NUP35: variants seen among roughly 807,000 people sequenced by gnomAD.
NUP35 encodes the protein nucleoporin NUP35.
In NUP35, 25 loss-of-function variants were observed where a neutral mutation model predicts 41.5. The ratio of observed to expected loss-of-function variants is 0.60; its 90% CI spans 0.44 to 0.84. The LOEUF (loss-of-function observed/expected upper bound fraction) is 0.84. Ranked by LOEUF, NUP35 falls within the 40% of genes least tolerant of loss-of-function variation. NUP35 has a pLI of 0.00. For missense variants in NUP35, 396 were observed against 396.6 expected (o/e 1.00, Z 0.01); for synonymous variants, 149 against 130.7 (o/e 1.14, Z -0.96).
chr2:183,159,824 C>T, intron 8 of NUP35, 172 bp downstream of exon 8: 1 of 492,974 alleles, frequency 2.0e-6, no homozygotes, highest in Admixed American at 4.1e-5. Context: ...ACATCTTGGC[C>T]AATTGGAAAG....
Position 183,161,175 on chromosome 2 carries a change from A to G in NUP35, c.*44A>G. 2 of 1,436,392 alleles carry G rather than the reference A, an allele frequency of 1.4e-6. No individual in the cohort carries two copies. Among genetic ancestry groups the G allele is most frequent in the Non-Finnish European group, 2.0e-6 (2 of 1,022,444 alleles). 89.0% of individuals were successfully genotyped at this position (1,436,392 alleles called of 1,614,324 possible). On this transcript the variant is annotated 3_prime_UTR_variant, in exon 9 of 9. Transcript: ENST00000295119. ...GTTGCTACACTAAAACAGAGTTAGC[A>G]GAGTGCTGCTGGTTCCTTCGGTTAG...
intron 4 of NUP35, among the ~76,000 whole-genome samples, chr2:183,150,065 C>T (rs1206572938): frequency 6.6e-6 from 1 of 152,074 alleles, no homozygotes; most frequent in Non-Finnish European, 1.5e-5. Context: ...CACCACCACA[C>T]CTGGCTAATT....
intron 4 of NUP35, among the ~76,000 whole-genome samples, chr2:183,140,075 T>TTA (rs969352657): frequency 1.3e-4 from 20 of 152,226 alleles, no homozygotes; most frequent in Non-Finnish European, 2.8e-4. Flanking sequence ...ATGTAGCTTC[T>TTA]TATTGCTGCT....
chr2:183,153,206 T>G (rs1685529983), intron 5 of NUP35, among the ~76,000 whole-genome samples: 1 of 152,174 alleles, frequency 6.6e-6, no homozygotes. Context: ...AGATATAATT[T>G]GAGTTGAGAT....
chr2:183,146,201 A>G (rs973696526), intron 4 of NUP35, among the ~76,000 whole-genome samples: 1 of 152,108 alleles, frequency 6.6e-6, no homozygotes, highest in Non-Finnish European at 1.5e-5. Context: ...GTGCCACTGC[A>G]CTCCAGCCTG....
intron 4 of NUP35, among the ~76,000 whole-genome samples, chr2:183,133,925 T>C (rs932882149): frequency 3.9e-5 from 6 of 152,228 alleles, no homozygotes; most frequent in Non-Finnish European, 8.8e-5. Flanking sequence ...TCAGAATGTC[T>C]TTTTAAGAAA....
upstream of NUP35, chr2:183,124,387 G>T: frequency 1.2e-6 from 2 of 1,613,558 alleles, no homozygotes; most frequent in Non-Finnish European, 1.7e-6. Flanking sequence ...GCCGTTACCC[G>T]TGGGGAGCGT....
At chr2:183,133,726 C>A in intron 4 of NUP35, 103 bp downstream of exon 4, 3 of 618,886 alleles carry the variant, frequency 4.8e-6, no homozygotes, top group Non-Finnish European at 7.6e-6. Context: ...ACAACTCTGA[C>A]ACCAAATACT....
chr2:183,132,828 A>T (rs1445781734), intron 3 of NUP35, among the ~76,000 whole-genome samples: 1 of 152,214 alleles, frequency 6.6e-6, no homozygotes, highest in East Asian at 1.9e-4. Flanking sequence ...ATCATGAAAG[A>T]ATTGGCATTA....
At chr2:183,122,082 CT>C (rs1337480383), upstream of NUP35, among the ~76,000 whole-genome samples, 80 of 143,370 alleles carry the variant, frequency 5.6e-4, no homozygotes, top group Non-Finnish European at 5.7e-4. Flanking sequence ...TTTTTCTTTT[CT>C]TTTTTTTTTT....
intron 2 of NUP35, among the ~76,000 whole-genome samples, chr2:183,129,060 A>G (rs1250606112): frequency 6.6e-6 from 1 of 152,210 alleles, no homozygotes; most frequent in Non-Finnish European, 1.5e-5. Context: ...AAATACCATC[A>G]TTTAGCTTCA....
chr2:183,147,608 T>C (rs376283319), intron 4 of NUP35, among the ~76,000 whole-genome samples: 8 of 152,202 alleles, frequency 5.3e-5, no homozygotes, highest in African/African-American at 1.9e-4. Flanking sequence ...TGAAGTCAGG[T>C]AATATGATGC....
rs2944357 is a variant in NUP35, at chr2:183,149,510, C to G, written c.398-1998C>G. The stretch of plus-strand genomic sequence containing the variant: ...TCATGAATCTGCTTCTCTTTTCAAC[C>G]TGAGTCTGTTGAATCACATGAAGTT... On this transcript the variant is annotated intron_variant, in intron 4 of 8. Transcript: ENST00000295119. Among the ~76,000 whole-genome samples, 974 of 152,286 alleles carry G rather than the reference C, an allele frequency of 6.4e-3. 10 individuals carry two copies. Among genetic ancestry groups the G allele is most frequent in the African/African-American group, 0.021 (872 of 41,548 alleles).
At chr2:183,130,926 C>A in intron 3 of NUP35, 1 of 1,105,704 alleles carries the variant, frequency 9.0e-7, no homozygotes, top group Non-Finnish European at 1.1e-6. Flanking sequence ...TTTAGAGTTT[C>A]ATCTAGATCT....
intron 4 of NUP35, among the ~76,000 whole-genome samples, chr2:183,138,582 A>G (rs1684974753): frequency 1.3e-5 from 2 of 152,078 alleles, no homozygotes; most frequent in Non-Finnish European, 2.9e-5. Flanking sequence ...TAGTCATGGT[A>G]TATTACTGCC....
intron 5 of NUP35, among the ~76,000 whole-genome samples, chr2:183,156,759 A>T (rs1050721869): frequency 2.0e-5 from 3 of 151,678 alleles, no homozygotes; most frequent in Non-Finnish European, 4.4e-5. Flanking sequence ...AGCCATTTCT[A>T]TGCGATTGGT....
intron 5 of NUP35, among the ~76,000 whole-genome samples, chr2:183,153,002 G>A (rs1216081961): frequency 6.6e-6 from 1 of 152,214 alleles, no homozygotes; most frequent in African/African-American, 2.4e-5. Context: ...CAGAATCATG[G>A]TGGGAGGTGA....
In NUP35 at chr2:183,157,748, T is replaced by A. The variant is rs540798990; in HGVS notation, c.609+235T>A. ...GTTTGAAAATCCACCTCCTCTCACC[T>A]CCTTTCTTAAACAGTTTACAGTCTT... On this transcript the variant is annotated intron_variant, in intron 6 of 8. Transcript: ENST00000295119. 2.6e-5 allele frequency among the ~76,000 whole-genome samples: 4 copies of A among 152,264 alleles called. No individual in the cohort carries two copies. In the South Asian group the frequency reaches 8.3e-4, roughly 32 times the overall value.
intron 1 of NUP35, chr2:183,118,995 T>G (rs1047385474): frequency 6.6e-6 from 1 of 152,232 alleles, no homozygotes; most frequent in African/African-American, 2.4e-5. Context: ...GGAAGTGTTC[T>G]TCCCTTACCA....
Sources: gnomAD v4.1 joint callset for allele counts (sites outside exome capture counted in the v4.1 genomes callset) on GRCh38, gnomAD v4.1.1 for gene constraint, MANE v1.5 for transcripts, NCBI Gene and HGNC (gene_info 2026-07-23, HGNC 2026-07-21) for gene names.